NME9: variants seen among roughly 807,000 people sequenced by gnomAD.
NME9 encodes the protein NME/NM23 family member 9, also known as thioredoxin domain-containing protein 6.
NME9 carries 48 observed loss-of-function variants against 44.4 expected under a neutral mutation model. The observed-to-expected ratio is 1.08, with a 90% CI of 0.86 to 1.37. The LOEUF is 1.37. Among genes scored for constraint, NME9 ranks in the 40% most tolerant of loss-of-function variants. The pLI, the probability that NME9 is intolerant of heterozygous loss-of-function variation, is 0.00. For synonymous variants in NME9, 139 were observed against 147.1 expected, an observed-to-expected ratio of 0.94 and a Z score of 0.40; for missense variants, 325 against 405.2, an observed-to-expected ratio of 0.80 and a Z score of 1.70.
chr3:138,329,194 G>A (rs1560144971), intron 1 of NME9, 109 bp downstream of exon 1: 4 of 959,704 alleles, frequency 4.2e-6, no homozygotes, highest in Non-Finnish European at 4.7e-6. Context: ...ACACTGTCAC[G>A]TACTGCTGGC....
At chr3:138,328,133 G>A (rs1053270746) in intron 1 of NME9, among the ~76,000 whole-genome samples, 7 of 152,176 alleles carry the variant, frequency 4.6e-5, no homozygotes, top group African/African-American at 1.4e-4. Flanking sequence ...GAACATTCAC[G>A]TATGAAGTGG....
chr3:138,304,954 C>T lies in NME9; in HGVS notation c.710G>A (p.Gly237Asp). 6.2e-7 allele frequency: 1 copy of T among 1,614,114 alleles called. No individual in the cohort carries two copies. Among genetic ancestry groups the T allele is most frequent in the African/African-American group, 1.3e-5 (1 of 75,050 alleles). The change falls in exon 9 of 11, where the codon GGC becomes GAC. Residue 237 changes from glycine to aspartate, a missense_variant. Transcript: ENST00000333911. ...SHLLILTRTE[G>D]FEDVVTTWRT... The stretch of plus-strand genomic sequence containing the variant: ...CCAGGTAGTGACCACGTCCTCGAAG[C>T]CCTCAGTCCTGGTGAGGATCAGGAG...
chr3:138,299,336 C>T (rs2051722723), downstream of NME9, among the ~76,000 whole-genome samples: 1 of 152,282 alleles, frequency 6.6e-6, no homozygotes, highest in South Asian at 2.1e-4. Flanking sequence ...AGGTCCAGAG[C>T]CAGTCCTTAA....
chr3:138,264,250 C>T lies in NME9; in HGVS notation c.746-1664G>A, dbSNP rs773981057. 9.7e-6 allele frequency: 15 copies of T among 1,546,164 alleles called. No homozygotes were observed. The South Asian group carries it at 1.7e-4, about 17-fold the overall frequency. ...GGTCAGCCAGTAACAGCTGTACTCACAGACCCTAGAGTGAGCTGAGCTAGC... is the reference window on the plus strand; with the variant it reads ...GGTCAGCCAGTAACAGCTGTACTCATAGACCCTAGAGTGAGCTGAGCTAGC... On this transcript the variant is annotated intron_variant, in intron 8 of 8. Coordinates refer to the NME9 transcript ENST00000317876.
At chr3:138,294,060 G>T (rs2051242517) in intron 8 of NME9, among the ~76,000 whole-genome samples, 1 of 152,150 alleles carries the variant, frequency 6.6e-6, no homozygotes. Flanking sequence ...TAAAGGTACA[G>T]TCTCTGAGAC....
At position 138,318,324 on chromosome 3, in the gene NME9, C is replaced by G. The variant is rs1359082217; in HGVS notation, c.196-105G>C. 3.9e-6 allele frequency: 3 copies of G among 762,026 alleles called. No homozygotes were observed. In the Admixed American group the frequency reaches 5.9e-5, roughly 15 times the overall value. 47.2% of individuals were successfully genotyped at this position (762,026 alleles called of 1,614,324 possible). A position where few individuals can be genotyped will look rare whatever the true frequency, so the allele number is the denominator to read the frequency against. ...AACTGAACACCCCCAGGACTGACTT[C>G]CCCAGGTAGAGCCCCGATTTGCTCT... On this transcript the variant is annotated intron_variant, in intron 3 of 10. Transcript: ENST00000333911.
intron 8 of NME9, among the ~76,000 whole-genome samples, chr3:138,269,474 T>C (rs1425065218): frequency 1.3e-5 from 2 of 152,218 alleles, no homozygotes; most frequent in Non-Finnish European, 2.9e-5. Context: ...AGGACTGTTT[T>C]GCTTGTATAA....
chr3:138,275,393 T>TA (rs1308864336), intron 8 of NME9, among the ~76,000 whole-genome samples: 26 of 151,828 alleles, frequency 1.7e-4, no homozygotes, highest in Non-Finnish European at 3.5e-4. Flanking sequence ...CCATCTCTAC[T>TA]AAAAAAATAC....
rs143284214 is a variant in NME9, at chr3:138,314,214, T to C, written c.460+118A>G. 360 of 571,458 alleles carry C rather than the reference T, an allele frequency of 6.3e-4. 1 individual carries two copies. The African/African-American group carries it at 6.3e-3, about 10-fold the overall frequency. 35.4% of individuals were successfully genotyped at this position (571,458 alleles called of 1,614,324 possible). A position where few individuals can be genotyped will look rare whatever the true frequency, so the allele number is the denominator to read the frequency against. The stretch of plus-strand genomic sequence containing the variant: ...ATTTTTAAAAGAAAATTATGAACCA[T>C]TAAAAAATCTTCTCATAGTTCAGAT... On this transcript the variant is annotated intron_variant, in intron 6 of 10. Coordinates refer to ENST00000333911, the MANE Select transcript of NME9 (RefSeq NM_001349018.2).
At chr3:138,292,425 A>G (rs1465341148) in intron 8 of NME9, among the ~76,000 whole-genome samples, 1 of 152,250 alleles carries the variant, frequency 6.6e-6, no homozygotes, top group Non-Finnish European at 1.5e-5. Flanking sequence ...GAGACCAGTT[A>G]AAGGCCATTG....
At chr3:138,295,735 T>C in intron 8 of NME9, 1 of 1,031,420 alleles carries the variant, frequency 9.7e-7, no homozygotes. Flanking sequence ...CCACCTGGGC[T>C]CACCCCAATT....
chr3:138,286,426 C>T (rs1322629728), intron 8 of NME9, among the ~76,000 whole-genome samples: 1 of 152,214 alleles, frequency 6.6e-6, no homozygotes, highest in East Asian at 1.9e-4. Context: ...TCTTACCCCA[C>T]TTACAGCAGA....
At chr3:138,264,461 C>G (rs1001859318) in intron 8 of NME9, among the ~76,000 whole-genome samples, 17 of 142,970 alleles carry the variant, frequency 1.2e-4, no homozygotes, top group South Asian at 4.5e-4. Context: ...GCTCTGTCAC[C>G]CAGGCTGGAG....
intron 3 of NME9, 146 bp from the exon 4 acceptor site, chr3:138,318,365 A>C: frequency 1.5e-6 from 1 of 662,614 alleles, no homozygotes; most frequent in Non-Finnish European, 2.7e-6. Flanking sequence ...TGTTCCTGCT[A>C]ATCAGAGCTG....
rs1235906061 is a variant in NME9, at chr3:138,306,485, G to A, written c.461-5C>T. ...TACAGGTCCTCTCTGATGAAACTAA[G>A]CCAAAAAATGGTGCTGTCAGATGCT... On this transcript the variant is annotated splice_region_variant and splice_polypyrimidine_tract_variant and intron_variant, in intron 6 of 10. Coordinates refer to ENST00000333911, the MANE Select transcript of NME9 (RefSeq NM_001349018.2). 17 of 1,588,614 alleles carry A rather than the reference G, an allele frequency of 1.1e-5. No homozygotes were observed. The highest frequency in any genetic ancestry group is 1.1e-4 in the Admixed American group (6 of 56,120).
At chr3:138,263,848 A>C (rs1422181440) in intron 8 of NME9, 1 of 1,600,422 alleles carries the variant, frequency 6.2e-7, no homozygotes, top group Admixed American at 1.7e-5. Context: ...GTCTGAATAA[A>C]AACCTTTTGC....
chr3:138,316,248 C>T (rs940578307), intron 4 of NME9, among the ~76,000 whole-genome samples: 1 of 152,190 alleles, frequency 6.6e-6, no homozygotes, highest in Non-Finnish European at 1.5e-5. Flanking sequence ...AGGAACAATA[C>T]ATAGTAAGTT....
exon 9 of NME9, chr3:138,262,351 C>T: frequency 1.5e-6 from 1 of 668,424 alleles, no homozygotes; most frequent in Non-Finnish European, 2.5e-6. Flanking sequence ...GTTTTGGAAA[C>T]TAAAACACCA....
chr3:138,270,013 A>ATT, intron 8 of NME9: 12 of 1,420,678 alleles, frequency 8.4e-6, no homozygotes, highest in South Asian at 1.2e-5. Flanking sequence ...TAAAGCTGTG[A>ATT]TTTTTTTTTT....
Sources: gnomAD v4.1 joint callset for allele counts (sites outside exome capture counted in the v4.1 genomes callset) on GRCh38, gnomAD v4.1.1 for gene constraint, MANE v1.5 for transcripts, NCBI Gene and HGNC (gene_info 2026-07-23, HGNC 2026-07-21) for gene names.